The following LRP6 variants were observed in gnomAD, a reference collection of about 807,000 sequenced individuals.
The protein encoded by LRP6 is LDL receptor related protein 6.
A neutral mutation model predicts 184.1 loss-of-function variants in LRP6; 43 were observed. The observed-to-expected ratio is 0.23, with a 90% CI of 0.18 to 0.30. LRP6 has a LOEUF of 0.30. Ranked by LOEUF, LRP6 falls within the 10% of genes least tolerant of loss-of-function variation. The pLI is 1.00. For missense variants in LRP6, 1,571 were observed against 2,005.3 expected (o/e 0.78, Z 4.14); for synonymous variants, 719 against 684.9 (o/e 1.05, Z -0.78).
At chr12:12,137,699 T>C (rs1429338588) in intron 16 of LRP6, among the ~76,000 whole-genome samples, 1 of 152,174 alleles carries the variant, frequency 6.6e-6, no homozygotes, top group Non-Finnish European at 1.5e-5. Flanking sequence ...ATGTTATCAG[T>C]ATTCCCAAAG....
chr12:12,155,482 T>C, intron 12 of LRP6: 1 of 896,126 alleles, frequency 1.1e-6, no homozygotes, highest in South Asian at 1.3e-5. Context: ...CTGTTGGCAT[T>C]GTTGTAAACA....
chr12:12,160,068 G>A, intron 10 of LRP6, 104 bp from the exon 11 acceptor site: 2 of 812,552 alleles, frequency 2.5e-6, no homozygotes, highest in South Asian at 2.0e-5. Flanking sequence ...AAAACATACA[G>A]CAAATCAAGG....
intron 2 of LRP6, among the ~76,000 whole-genome samples, chr12:12,225,566 A>T (rs190170772): frequency 6.6e-5 from 10 of 152,184 alleles, no homozygotes; most frequent in Admixed American, 6.5e-4. Context: ...CAGGAGCTCT[A>T]CCAGGTTCTC....
chr12:12,211,349 G>A (rs1413500546), intron 2 of LRP6, among the ~76,000 whole-genome samples: 4 of 152,184 alleles, frequency 2.6e-5, no homozygotes, highest in African/African-American at 9.7e-5. Context: ...GGCTGAGGCA[G>A]GAGAATCACT....
At chr12:12,141,088 C>T (rs561842915) in intron 15 of LRP6, among the ~76,000 whole-genome samples, 118 of 151,550 alleles carry the variant, frequency 7.8e-4, no homozygotes, top group African/African-American at 2.6e-3. Context: ...GTATTGAATG[C>T]TTCCCCCAAG....
chr12:12,186,659 T>A, intron 4 of LRP6: 1 of 83,440 alleles, frequency 1.2e-5, no homozygotes, highest in Non-Finnish European at 2.3e-5. Context: ...GGATTTTAAC[T>A]TTTTTTTTTT....
At chr12:12,212,878 T>G (rs1297488125) in intron 2 of LRP6, among the ~76,000 whole-genome samples, 1 of 152,240 alleles carries the variant, frequency 6.6e-6, no homozygotes, top group African/African-American at 2.4e-5. Context: ...TTCTTGGTCT[T>G]GAGAATTAGA....
intron 1 of LRP6, among the ~76,000 whole-genome samples, chr12:12,257,530 G>A (rs1175436718): frequency 2.8e-5 from 4 of 143,376 alleles, no homozygotes; most frequent in Admixed American, 7.1e-5. Context: ...GCAGTGAGCC[G>A]AGATCACGCC....
chr12:12,248,471 C>CTTTTTTTTTTTTT, intron 1 of LRP6, among the ~76,000 whole-genome samples: 1 of 62,792 alleles, frequency 1.6e-5, no homozygotes, highest in Non-Finnish European at 2.9e-5. Flanking sequence ...AGTCTTTACT[C>CTTTTTTTTTTTTT]TTTTTTTTTT....
intron 2 of LRP6, among the ~76,000 whole-genome samples, chr12:12,238,627 A>C (rs1474560780): frequency 6.6e-6 from 1 of 152,166 alleles, no homozygotes; most frequent in African/African-American, 2.4e-5. Context: ...GTCTGAGTGA[A>C]AATAACTAAT....
Position 12,221,099 on chromosome 12 carries a change from A to T in LRP6, c.450-17699T>A, listed in dbSNP as rs142510762. 2.9e-4 allele frequency among the ~76,000 whole-genome samples: 44 copies of T among 152,320 alleles called. No individual in the cohort carries two copies. In the East Asian group the frequency reaches 7.3e-3, roughly 25 times the overall value. Reference sequence around the variant, plus strand: ...AAGAACCAATGTCAATATTCGTGAGACTGGTTAGCAGAAAACTGTCAGCTA... The same window carrying T: ...AAGAACCAATGTCAATATTCGTGAGTCTGGTTAGCAGAAAACTGTCAGCTA... On this transcript the variant is annotated intron_variant, in intron 2 of 22. Transcript: ENST00000261349.
chr12:12,241,781 C>T (rs1166057800), intron 2 of LRP6, among the ~76,000 whole-genome samples: 1 of 152,172 alleles, frequency 6.6e-6, no homozygotes, highest in Non-Finnish European at 1.5e-5. Context: ...CCTTCAGAAG[C>T]TAAATAACAC....
rs1264196445 is a variant in LRP6 at position 12,119,960 on chromosome 12, G to A, written c.*1166C>T. On this transcript the variant is annotated 3_prime_UTR_variant, in exon 23 of 23. Coordinates refer to ENST00000261349, the MANE Select transcript of LRP6 (RefSeq NM_002336.3). Reference sequence around the variant, plus strand: ...GTCTCTAACCAGAACATATTTAAATGTTTTACTCAGAAAACAAACAAACAA... The same window carrying A: ...GTCTCTAACCAGAACATATTTAAATATTTTACTCAGAAAACAAACAAACAA... 2 of 112,404 alleles carry A rather than the reference G, an allele frequency of 1.8e-5. No individual in the cohort carries two copies. The highest frequency in any genetic ancestry group is 3.5e-5 in the Non-Finnish European group (2 of 56,958). The allele number at this position is 112,404 out of a possible 1,614,324, so 7.0% of individuals were successfully genotyped here.
intron 2 of LRP6, among the ~76,000 whole-genome samples, chr12:12,229,382 A>AAG (rs1174941833): frequency 1.1e-4 from 11 of 104,318 alleles, no homozygotes; most frequent in African/African-American, 3.4e-4. Context: ...AAAAAAAAAA[A>AAG]AAAAAGAAGA....
chr12:12,171,408 G>A (rs1042727127), intron 7 of LRP6, among the ~76,000 whole-genome samples: 9 of 151,984 alleles, frequency 5.9e-5, no homozygotes, highest in African/African-American at 2.2e-4. Context: ...CGTAGTCCCA[G>A]CTACTCAGGA....
chr12:12,260,756 G>A (rs550515396), intron 1 of LRP6, among the ~76,000 whole-genome samples: 1 of 152,118 alleles, frequency 6.6e-6, no homozygotes, highest in East Asian at 1.9e-4. Flanking sequence ...TTGTCCAAAG[G>A]AACACAAAGC....
intron 15 of LRP6, among the ~76,000 whole-genome samples, chr12:12,139,852 G>A (rs1487334541): frequency 6.6e-6 from 1 of 152,182 alleles, no homozygotes; most frequent in African/African-American, 2.4e-5. Context: ...AGATAGACCA[G>A]GGATAATGAC....
intron 17 of LRP6, among the ~76,000 whole-genome samples, chr12:12,132,687 C>T (rs1055745301): frequency 5.9e-5 from 9 of 152,138 alleles, no homozygotes; most frequent in African/African-American, 2.2e-4. Flanking sequence ...AGACCAATTT[C>T]ACTTAAGAAT....
intron 14 of LRP6, among the ~76,000 whole-genome samples, chr12:12,148,096 TTATA>T (rs1432258433): frequency 2.7e-5 from 4 of 150,842 alleles, no homozygotes; most frequent in Admixed American, 2.6e-4. Context: ...ACATATCTAT[TTATA>T]TATTTACATT....
Sources: gnomAD v4.1 joint callset for allele counts (sites outside exome capture counted in the v4.1 genomes callset) on GRCh38, gnomAD v4.1.1 for gene constraint, MANE v1.5 for transcripts, NCBI Gene and HGNC (gene_info 2026-07-23, HGNC 2026-07-21) for gene names.